Variants in PRRC2B observed in about 807,000 individuals in gnomAD.
PRRC2B encodes proline rich coiled-coil 2B.
Under a neutral mutation model 242.3 loss-of-function variants are expected in PRRC2B, and 68 were observed. The ratio of observed to expected loss-of-function variants is 0.28; its 90% CI spans 0.23 to 0.34. The LOEUF (loss-of-function observed/expected upper bound fraction) is 0.34, where lower values mean the gene tolerates loss of function less well. PRRC2B is among the 10% of genes least tolerant of loss of function. The pLI is 1.00. For synonymous variants in PRRC2B, 1,228 were observed against 1,173.6 expected, an observed-to-expected ratio of 1.05 and a Z score of -0.95; for missense variants, 2,835 against 2,954.8, an observed-to-expected ratio of 0.96 and a Z score of 0.94.
At chr9:131,463,185 T>C (rs1943293154) in intron 11 of PRRC2B, among the ~76,000 whole-genome samples, 1 of 152,188 alleles carries the variant, frequency 6.6e-6, no homozygotes, top group African/African-American at 2.4e-5. Flanking sequence ...TCGGTTCCAA[T>C]GATATTATAT....
In PRRC2B at chr9:131,478,044, C is replaced by T. The variant is rs184823879; in HGVS notation, c.4612+95C>T. The T allele has an allele frequency of 3.8e-5, 43 of 1,123,852 alleles. No homozygotes were observed. In the South Asian group the frequency reaches 4.7e-4, roughly 12 times the overall value. The allele number at this position is 1,123,852 out of a possible 1,614,324, so 69.6% of individuals were successfully genotyped here. A position where few individuals can be genotyped will look rare whatever the true frequency, so the allele number is the denominator to read the frequency against. ...CCCGAGTTTGCCCTTGCACTGAGTA[C>T]CTTAGCTTTCGGAACAGCTCGGCCA... On this transcript the variant is annotated intron_variant, in intron 17 of 31. Transcript: ENST00000683519.
chr9:131,430,154 C>A lies in PRRC2B; in HGVS notation c.10C>A (p.Arg4Ser). 1 of 1,599,854 alleles carries A rather than the reference C, an allele frequency of 6.3e-7. No homozygotes were observed. Among genetic ancestry groups the A allele is most frequent in the Non-Finnish European group, 8.5e-7 (1 of 1,173,564 alleles). Reference sequence around the variant, plus strand: ...ATGACATTTCATCGCAATGTCCGATCGTTTGGGGCAAATTACCAAGGGCAA... The same window carrying A: ...ATGACATTTCATCGCAATGTCCGATAGTTTGGGGCAAATTACCAAGGGCAA... MSD[R>S]LGQITKGKDG... The change falls in exon 2 of 32, where the codon CGT (arginine) becomes AGT (serine). Residue 4 changes from arginine to serine, a missense_variant. Around this residue, in one of 7 missense-constraint regions of PRRC2B, gnomAD observed 626 missense variants for 685.5 expected, o/e 0.91. Coordinates refer to ENST00000683519, the MANE Select transcript of PRRC2B (RefSeq NM_013318.4).
rs756618627 is a variant in PRRC2B at position 131,475,833 on chromosome 9, C to T, written c.3704C>T (p.Ser1235Phe). 4.3e-6 allele frequency: 7 copies of T among 1,612,990 alleles called. No homozygotes were observed. The highest frequency in any genetic ancestry group is 3.3e-4 in the Middle Eastern group (2 of 6,058). ...TGGCAGAGCAAAAGTCCAGGCAGCT[C>T]TTGGCAGGAATATGGCCCTTCCGAC... ...PHWQSKSPGS[S>F]WQEYGPSDTC... The change falls in exon 16 of 32, where the codon TCT becomes TTT. Residue 1235 changes from serine (S) to phenylalanine (F), a missense_variant. Ser to Phe is a radical substitution (Grantham distance 155, BLOSUM62 -2). Around this residue, in one of 7 missense-constraint regions of PRRC2B, gnomAD observed 1,536 missense variants for 1,483.1 expected, o/e 1.04. Coordinates refer to ENST00000683519, the MANE Select transcript of PRRC2B (RefSeq NM_013318.4).
chr9:131,472,072 A>C (rs1043771865), intron 14 of PRRC2B, among the ~76,000 whole-genome samples: 1 of 152,182 alleles, frequency 6.6e-6, no homozygotes, highest in East Asian at 1.9e-4. Flanking sequence ...CTTTGTTGTC[A>C]TTAATAGTGC....
chr9:131,420,402 T>C (rs2131308088), intron 1 of PRRC2B, among the ~76,000 whole-genome samples: 1 of 151,902 alleles, frequency 6.6e-6, no homozygotes, highest in East Asian at 1.9e-4. Flanking sequence ...GTGGGCGCTT[T>C]AGGGCTCTTT....
upstream of PRRC2B, among the ~76,000 whole-genome samples, chr9:131,390,821 C>G (rs1460769570): frequency 5.7e-5 from 7 of 123,348 alleles, no homozygotes; most frequent in Non-Finnish European, 1.1e-4. Context: ...GAGTCTCGCT[C>G]TGTCGCCCAG....
chr9:131,459,552 C>T (rs1232372835), intron 11 of PRRC2B, among the ~76,000 whole-genome samples, 196 bp downstream of exon 11: 1 of 152,144 alleles, frequency 6.6e-6, no homozygotes, highest in Non-Finnish European at 1.5e-5. Flanking sequence ...TGCCAAAGTG[C>T]TAGGATTACA....
At chr9:131,480,501 C>CT (rs1443711327) in intron 19 of PRRC2B, among the ~76,000 whole-genome samples, 3 of 152,170 alleles carry the variant, frequency 2.0e-5, no homozygotes, top group East Asian at 3.9e-4. Context: ...TCATCATCCC[C>CT]TTTTGTCAGA....
At chr9:131,481,590 G>C (rs1943869614) in intron 19 of PRRC2B, 136 bp from the exon 20 acceptor site, 2 of 692,746 alleles carry the variant, frequency 2.9e-6, no homozygotes, top group Non-Finnish European at 5.1e-6. Context: ...CGGGTAGGGG[G>C]CTGGGGTGGC....
At chr9:131,409,453 G>A (rs548328790) in intron 1 of PRRC2B, among the ~76,000 whole-genome samples, 65 of 152,332 alleles carry the variant, frequency 4.3e-4, no homozygotes, top group African/African-American at 1.5e-3. Flanking sequence ...CAAAGTGCTG[G>A]GATTATAGGT....
At chr9:131,409,844 A>C (rs1168748564) in intron 1 of PRRC2B, among the ~76,000 whole-genome samples, 1 of 152,252 alleles carries the variant, frequency 6.6e-6, no homozygotes, top group Non-Finnish European at 1.5e-5. Flanking sequence ...ACAATCCAAT[A>C]CAAATGCTGT....
At chr9:131,492,703 C>T (rs1364737741) in intron 30 of PRRC2B, among the ~76,000 whole-genome samples, 1 of 152,194 alleles carries the variant, frequency 6.6e-6, no homozygotes, top group Non-Finnish European at 1.5e-5. Flanking sequence ...TATTGCTGGG[C>T]TTATGGGGCC....
chr9:131,447,580 G>T, intron 8 of PRRC2B, 82 bp from the exon 9 acceptor site: 1 of 1,306,872 alleles, frequency 7.7e-7, no homozygotes, highest in African/African-American at 1.5e-5. Flanking sequence ...CCTTTGCAGT[G>T]TGGAATTTAT....
At chr9:131,472,469 T>TA (rs1445316604) in intron 14 of PRRC2B, among the ~76,000 whole-genome samples, 3 of 124,656 alleles carry the variant, frequency 2.4e-5, no homozygotes, top group African/African-American at 9.3e-5. Flanking sequence ...CACGCCCAGC[T>TA]AATTTTTTTT....
intron 16 of PRRC2B, 135 bp downstream of exon 16, chr9:131,476,670 A>G (rs1307826909): frequency 7.0e-6 from 5 of 709,538 alleles, no homozygotes; most frequent in Middle Eastern, 4.1e-4. Context: ...GCGCGTCTCC[A>G]TTGCCTGCCC....
chr9:131,393,782 C>A (rs938325266), upstream of PRRC2B, among the ~76,000 whole-genome samples: 30 of 151,466 alleles, frequency 2.0e-4, no homozygotes, highest in Admixed American at 2.0e-3. Context: ...TGGCTCCTGG[C>A]CCCTCCTCCG....
At chr9:131,474,072 C>A (rs988767238) in intron 15 of PRRC2B, among the ~76,000 whole-genome samples, 1 of 152,122 alleles carries the variant, frequency 6.6e-6, no homozygotes, top group Non-Finnish European at 1.5e-5. Flanking sequence ...CCTGCCACCC[C>A]CATAGCCCCA....
intron 10 of PRRC2B, among the ~76,000 whole-genome samples, chr9:131,455,510 CTTTTTTTTTTTTTTTT>C (rs148974781): frequency 3.4e-5 from 3 of 86,992 alleles, no homozygotes; most frequent in Non-Finnish European, 4.5e-5. Context: ...GGTTCAACTT[CTTTTTTTTTTTTTTTT>C]TTTTTTTTGA....
In PRRC2B at chr9:131,441,882, C is replaced by T. The variant is rs1037487800; in HGVS notation, c.470-2303C>T. ...CAGCCTGTGACCTCGGAAGAAGCCC[C>T]CTGACTTTCCTGCCTCAGTTTCTCA... is the stretch of plus-strand genomic sequence containing the variant. On this transcript the variant is annotated intron_variant, in intron 5 of 31. Transcript: ENST00000683519. 9.2e-5 allele frequency among the ~76,000 whole-genome samples: 14 copies of T among 152,182 alleles called. 1 individual carries two copies. The highest frequency in any genetic ancestry group is 6.5e-4 in the Admixed American group (10 of 15,274).
Sources: gnomAD v4.1 joint callset for allele counts (sites outside exome capture counted in the v4.1 genomes callset) on GRCh38, gnomAD v4.1.1 for gene constraint, gnomAD v4.1.1 regional missense constraint, MANE v1.5 for transcripts, NCBI Gene and HGNC (gene_info 2026-07-23, HGNC 2026-07-21) for gene names.